The following PECAM1 variants were observed in gnomAD, a reference collection of about 807,000 sequenced individuals.
The protein encoded by PECAM1 is platelet and endothelial cell adhesion molecule 1, also known as platelet endothelial cell adhesion molecule.
A neutral mutation model predicts 13.8 loss-of-function variants in PECAM1; 8 were observed. The ratio of observed to expected loss-of-function variants is 0.58; its 90% CI spans 0.34 to 1.05. PECAM1 has a LOEUF of 1.05. Ranked by LOEUF, PECAM1 falls within the 50% of genes least tolerant of loss-of-function variation. The pLI, the probability that PECAM1 is intolerant of heterozygous loss-of-function variation, is 0.03. For synonymous variants in PECAM1, 136 were observed against 52.6 expected (o/e 2.58, Z -6.86); for missense variants, 304 against 141.2 (o/e 2.15, Z -5.84).
In PECAM1 at chr17:64,390,535, CAT is replaced by C. The variant is rs1191659666; in HGVS notation, c.65-22_65-21del. 15 of 474,076 alleles carry C rather than the reference CAT, an allele frequency of 3.2e-5. No individual in the cohort carries two copies. In the East Asian group the frequency reaches 4.7e-4, roughly 15 times the overall value. The allele number at this position is 474,076 out of a possible 1,614,324, so 29.4% of individuals were successfully genotyped here. ...TTGAACCTGCAAGAAACATAAGAAA[CAT>C]GTTGATTCCAGAAGCTTCGATGCTC... On this transcript the variant is annotated intron_variant, in intron 1 of 15. Coordinates refer to ENST00000563924, the MANE Select transcript of PECAM1 (RefSeq NM_000442.5).
Position 64,321,353 on chromosome 17 carries a change from G to C in PECAM1, c.*2463C>G, listed in dbSNP as rs537947511. The C allele has an allele frequency of 2.3e-5, 20 of 863,860 alleles. No homozygotes were observed. The highest frequency in any genetic ancestry group is 6.2e-5 in the Admixed American group (1 of 16,156). The allele number at this position is 863,860 out of a possible 1,614,324, so 53.5% of individuals were successfully genotyped here. Reference sequence around the variant, plus strand: ...GCTGCCGAGGAAGGCTAAAGCCAGCGTCCTGGATTCAGACAGACCTTTTAG... The same window carrying C: ...GCTGCCGAGGAAGGCTAAAGCCAGCCTCCTGGATTCAGACAGACCTTTTAG... On this transcript the variant is annotated 3_prime_UTR_variant, in exon 16 of 16. Transcript: ENST00000563924.
At position 64,341,703 on chromosome 17, in the gene PECAM1, C is replaced by G. The variant is rs1408925866; in HGVS notation, c.2108-13G>C. 1 of 433,770 alleles carries G rather than the reference C, an allele frequency of 2.3e-6. No homozygotes were observed. Among genetic ancestry groups the G allele is most frequent in the African/African-American group, 2.0e-5 (1 of 49,478 alleles). The allele number at this position is 433,770 out of a possible 1,614,324, so 26.9% of individuals were successfully genotyped here. On this transcript the variant is annotated splice_polypyrimidine_tract_variant and intron_variant, in intron 13 of 15. Coordinates refer to ENST00000563924, the MANE Select transcript of PECAM1 (RefSeq NM_000442.5). ...TTCTTTCCTAGATCTGGAAAAAGGA[C>G]CAGGCATAAGTTAGTAGCTGCCTCT...
intron 14 of PECAM1, among the ~76,000 whole-genome samples, chr17:64,340,918 A>G (rs2035411143): frequency 6.6e-6 from 1 of 152,060 alleles, no homozygotes; most frequent in Non-Finnish European, 1.5e-5. Flanking sequence ...ACCAACAGGG[A>G]GAAACCCCGT....
rs1295363991 is a variant in PECAM1 at position 64,320,799 on chromosome 17, T to G, written c.*3017A>C. On this transcript the variant is annotated 3_prime_UTR_variant, in exon 16 of 16. Transcript: ENST00000563924. ...AAACAGACAAATAACTGGATGCTTC[T>G]GTGCAGAGTTTCTCAACCTGGCCAT... 1 of 152,244 alleles carries G rather than the reference T, an allele frequency of 6.6e-6. No individual in the cohort carries two copies. Among genetic ancestry groups the G allele is most frequent in the Non-Finnish European group, 1.5e-5 (1 of 68,060 alleles). 9.4% of individuals were successfully genotyped at this position (152,244 alleles called of 1,614,324 possible).
intron 2 of PECAM1, among the ~76,000 whole-genome samples, chr17:64,379,409 G>A (rs2036434316): frequency 6.6e-6 from 1 of 152,206 alleles, no homozygotes; most frequent in Non-Finnish European, 1.5e-5. Flanking sequence ...TTGGTTGGTT[G>A]TGGGCAACTG....
At position 64,365,489 on chromosome 17, in the gene PECAM1, A is replaced by C. The variant is rs1422295472; in HGVS notation, c.968-2092T>G. On this transcript the variant is annotated intron_variant, in intron 5 of 15. Coordinates refer to ENST00000563924, the MANE Select transcript of PECAM1 (RefSeq NM_000442.5). ...AAAAACTACTTTAAAGTTCATATGG[A>C]ACCAAAAAAGAGCCCGCATCACCAA... Among the ~76,000 whole-genome samples, 322 of 151,418 alleles carry C rather than the reference A, an allele frequency of 2.1e-3. 3 individuals carry two copies. Among genetic ancestry groups the C allele is most frequent in the Middle Eastern group, 0.017 (5 of 294 alleles).
chr17:64,353,634 C>A (rs901928332), intron 9 of PECAM1, 116 bp from the exon 10 acceptor site: 13 of 410,324 alleles, frequency 3.2e-5, no homozygotes, highest in South Asian at 1.3e-4. Flanking sequence ...AAACACTTTT[C>A]TTTTCTTTTT....
At chr17:64,374,831 T>C (rs1359176586) in intron 4 of PECAM1, among the ~76,000 whole-genome samples, 1 of 151,618 alleles carries the variant, frequency 6.6e-6, no homozygotes, top group African/African-American at 2.4e-5. Flanking sequence ...AAGCATCATA[T>C]ATATTAAGAG....
At chr17:64,353,569 A>C in intron 9 of PECAM1, 51 bp from the exon 10 acceptor site, 1 of 456,208 alleles carries the variant, frequency 2.2e-6, no homozygotes, top group Non-Finnish European at 4.0e-6. Context: ...ACCCACATCC[A>C]TACCACTATA....
intron 4 of PECAM1, among the ~76,000 whole-genome samples, chr17:64,374,031 C>T (rs1406809274): frequency 6.6e-6 from 1 of 152,262 alleles, no homozygotes; most frequent in African/African-American, 2.4e-5. Context: ...CAACGCAAAT[C>T]TACGTTGAAC....
chr17:64,384,041 G>A (rs1013297951), intron 2 of PECAM1, among the ~76,000 whole-genome samples: 55 of 152,302 alleles, frequency 3.6e-4, no homozygotes, highest in African/African-American at 1.2e-3. Context: ...TGAGGCAGGA[G>A]AATCACTTGA....
intron 2 of PECAM1, among the ~76,000 whole-genome samples, chr17:64,384,958 G>C (rs2036561748): frequency 6.6e-6 from 1 of 152,144 alleles, no homozygotes; most frequent in African/African-American, 2.4e-5. Flanking sequence ...CTGAATTACT[G>C]CCTGTAGGTC....
At position 64,322,145 on chromosome 17, in the gene PECAM1, T is replaced by C; in HGVS notation, c.*1671A>G. Reference sequence around the variant, plus strand: ...AACCCAAAGGCCTGTGGAGCACACATGAGGACAAGGCGGGCAGATCACCAA... The same window carrying C: ...AACCCAAAGGCCTGTGGAGCACACACGAGGACAAGGCGGGCAGATCACCAA... On this transcript the variant is annotated 3_prime_UTR_variant, in exon 16 of 16. Coordinates refer to ENST00000563924, the MANE Select transcript of PECAM1 (RefSeq NM_000442.5). 1 of 956,928 alleles carries C rather than the reference T, an allele frequency of 1.0e-6. No homozygotes were observed. The highest frequency in any genetic ancestry group is 1.3e-6 in the Non-Finnish European group (1 of 782,964). 59.3% of individuals were successfully genotyped at this position (956,928 alleles called of 1,614,324 possible).
rs1050538586 is a variant in PECAM1, at chr17:64,346,046, C to T, written c.2107+2214G>A. On this transcript the variant is annotated intron_variant, in intron 13 of 15. Coordinates refer to ENST00000563924, the MANE Select transcript of PECAM1 (RefSeq NM_000442.5). ...AGGACCCCATTGCCATGTGGTCTGG[C>T]TAGTGGCTGGCACGGCCTGGAAAAC... Among the ~76,000 whole-genome samples, 68 of 152,302 alleles carry T rather than the reference C, an allele frequency of 4.5e-4. 1 individual carries two copies. Among genetic ancestry groups the T allele is most frequent in the South Asian group, 1.4e-3 (7 of 4,832 alleles).
chr17:64,388,312 AC>A (rs1347695549), intron 2 of PECAM1, among the ~76,000 whole-genome samples: 50 of 152,044 alleles, frequency 3.3e-4, no homozygotes, highest in African/African-American at 1.1e-3. Flanking sequence ...CTGGGAGGGT[AC>A]GAGGGCTGGA....
chr17:64,349,199 T>A (rs984271821), intron 12 of PECAM1, among the ~76,000 whole-genome samples: 1 of 152,170 alleles, frequency 6.6e-6, no homozygotes, highest in South Asian at 2.1e-4. Flanking sequence ...AAAAGTAGTT[T>A]GTCTTCAAGT....
At chr17:64,348,099 G>T (rs1278162412) in intron 13 of PECAM1, among the ~76,000 whole-genome samples, 161 bp downstream of exon 13, 1 of 152,086 alleles carries the variant, frequency 6.6e-6, no homozygotes, top group Non-Finnish European at 1.5e-5. Context: ...AGGGGCCTTT[G>T]CTCCTTCCAG....
chr17:64,350,906 C>T (rs1001445225), intron 11 of PECAM1, among the ~76,000 whole-genome samples: 54 of 151,800 alleles, frequency 3.6e-4, no homozygotes, highest in South Asian at 1.7e-3. Flanking sequence ...GATGGAGTTT[C>T]GCTCTTGTTG....
chr17:64,388,472 T>C lies in PECAM1; in HGVS notation c.91+2017A>G, dbSNP rs1455008483. 4.6e-5 allele frequency among the ~76,000 whole-genome samples: 7 copies of C among 152,220 alleles called. No homozygotes were observed. In the South Asian group the frequency reaches 1.4e-3, roughly 32 times the overall value. ...TATCCAGTCTCAACCTCACACCCACTTCATGCCCACGAAGTTCTCTTATCA... is the reference window on the plus strand; with the variant it reads ...TATCCAGTCTCAACCTCACACCCACCTCATGCCCACGAAGTTCTCTTATCA... On this transcript the variant is annotated intron_variant, in intron 2 of 15. Transcript: ENST00000563924.
Sources: gnomAD v4.1 joint callset for allele counts (sites outside exome capture counted in the v4.1 genomes callset) on GRCh38, gnomAD v4.1.1 for gene constraint, MANE v1.5 for transcripts, NCBI Gene and HGNC (gene_info 2026-07-23, HGNC 2026-07-21) for gene names.